Variants in SEM1 observed in about 807,000 individuals in gnomAD.
SEM1 encodes SEM1 26S proteasome subunit.
Under a neutral mutation model 12.7 loss-of-function variants are expected in SEM1, and 3 were observed. The ratio of observed to expected loss-of-function variants is 0.24; its 90% CI spans 0.11 to 0.61. The LOEUF is 0.61. SEM1 is among the 20% of genes least tolerant of loss of function. SEM1 has a pLI of 0.88. For missense variants in SEM1, 59 were observed against 81.3 expected (o/e 0.73, Z 1.06); for synonymous variants, 30 against 27.8 (o/e 1.08, Z -0.25).
At chr7:96,709,606 TG>T in intron 1 of SEM1, 81 bp downstream of exon 1, 1 of 1,360,976 alleles carries the variant, frequency 7.3e-7, no homozygotes, top group Non-Finnish European at 1.0e-6. Flanking sequence ...TGCCCCCAGC[TG>T]GGCCCGAGCA....
intron 1 of SEM1, among the ~76,000 whole-genome samples, chr7:96,495,032 C>A (rs1803185203): frequency 8.3e-6 from 1 of 120,340 alleles, no homozygotes; most frequent in African/African-American, 3.3e-5. Flanking sequence ...TACAAAAACT[C>A]AGAGAGATAA....
intron 1 of SEM1, among the ~76,000 whole-genome samples, chr7:96,489,651 T>C (rs1278993518): frequency 6.6e-6 from 1 of 152,182 alleles, no homozygotes; most frequent in Non-Finnish European, 1.5e-5. Context: ...TCTCTCACAG[T>C]TCTGGAGTCT....
chr7:96,620,708 T>C (rs899774142), downstream of SEM1, among the ~76,000 whole-genome samples: 10 of 152,214 alleles, frequency 6.6e-5, no homozygotes, highest in African/African-American at 2.2e-4. Flanking sequence ...GATGATCTGT[T>C]TGGAGTATCT....
At chr7:96,525,600 G>A (rs4448201) in intron 2 of SEM1, among the ~76,000 whole-genome samples, 3 of 151,864 alleles carry the variant, frequency 2.0e-5, no homozygotes, top group African/African-American at 7.3e-5. Flanking sequence ...TTCATTTGAT[G>A]TTTGGTAGGG....
intron 2 of SEM1, chr7:96,484,867 G>T: frequency 7.8e-7 from 1 of 1,287,004 alleles, no homozygotes; most frequent in Non-Finnish European, 1.0e-6. Context: ...GTAAATATTA[G>T]ATTTCATGAT....
intron 2 of SEM1, among the ~76,000 whole-genome samples, chr7:96,543,489 T>A (rs1349313805): frequency 1.3e-5 from 2 of 151,940 alleles, no homozygotes; most frequent in African/African-American, 2.4e-5. Context: ...TTTAGTCCAA[T>A]GTTTCAAATG....
At chr7:96,673,573 TGCCCAGGCTGGACCTTC>T (rs1163015433) in exon 3 of SEM1, 4 of 602,698 alleles carry the variant, frequency 6.6e-6, no homozygotes, top group Non-Finnish European at 8.9e-6. Flanking sequence ...AATCCTACCT[TGCCCAGGCTGGACCTTC>T]ACCCAGGCTG....
chr7:96,544,124 T>C (rs1262437556), intron 2 of SEM1, among the ~76,000 whole-genome samples: 1 of 152,074 alleles, frequency 6.6e-6, no homozygotes, highest in African/African-American at 2.4e-5. Flanking sequence ...AATGAAAATC[T>C]CTTAATGTTC....
intron 2 of SEM1, among the ~76,000 whole-genome samples, chr7:96,526,477 A>G (rs964292649): frequency 6.6e-6 from 1 of 152,096 alleles, no homozygotes; most frequent in African/African-American, 2.4e-5. Context: ...GGAAGTGCTC[A>G]ATGAAGACCA....
intron 1 of SEM1, among the ~76,000 whole-genome samples, chr7:96,704,014 C>T (rs7794767): frequency 0.34 from 51,282 of 149,010 alleles, 10,163 homozygotes; most frequent in East Asian, 0.67. Context: ...CACACACATA[C>T]ATAAAAGAAC....
chr7:96,658,167 CT>C (rs1278557725), intron 2 of SEM1, among the ~76,000 whole-genome samples: 1 of 152,070 alleles, frequency 6.6e-6, no homozygotes, highest in Non-Finnish European at 1.5e-5. Context: ...ATTCAGTGGC[CT>C]GCAACTCTCC....
intron 2 of SEM1, among the ~76,000 whole-genome samples, chr7:96,564,067 G>A (rs1032013637): frequency 1.3e-5 from 2 of 151,896 alleles, no homozygotes; most frequent in Admixed American, 6.6e-5. Context: ...TTTAAAATCA[G>A]AGAGTTTACC....
chr7:96,496,182 T>C (rs1041862255), intron 1 of SEM1: 1 of 691,186 alleles, frequency 1.4e-6, no homozygotes. Flanking sequence ...ACTCGTTAGA[T>C]AGTTAAAATC....
intron 1 of SEM1, among the ~76,000 whole-genome samples, chr7:96,698,661 G>A (rs747466562): frequency 1.1e-4 from 17 of 151,996 alleles, no homozygotes; most frequent in Non-Finnish European, 2.1e-4. Context: ...TAACCAGTCC[G>A]TCACTGATGG....
At chr7:96,689,651 G>T (rs1213968458) in intron 2 of SEM1, among the ~76,000 whole-genome samples, 1 of 152,128 alleles carries the variant, frequency 6.6e-6, no homozygotes, top group Non-Finnish European at 1.5e-5. Context: ...CACATGACCG[G>T]AATAATGTAT....
intron 2 of SEM1, among the ~76,000 whole-genome samples, chr7:96,588,922 T>A (rs1317086802): frequency 2.0e-5 from 3 of 152,268 alleles, no homozygotes; most frequent in Non-Finnish European, 2.9e-5. Context: ...ACCATTTTTT[T>A]AAATTGGCTT....
chr7:96,559,604 T>C (rs1340868293), intron 2 of SEM1, among the ~76,000 whole-genome samples: 1 of 152,228 alleles, frequency 6.6e-6, no homozygotes, highest in Non-Finnish European at 1.5e-5. Flanking sequence ...GTTTTGTTTT[T>C]CTCTCTAAAT....
intron 2 of SEM1, among the ~76,000 whole-genome samples, chr7:96,576,250 G>A (rs986928919): frequency 1.1e-4 from 16 of 152,076 alleles, no homozygotes; most frequent in African/African-American, 2.4e-5. Context: ...TCTGCTGAAA[G>A]TTGAATTTTT....
chr7:96,571,177 T>G (rs1806016037), intron 2 of SEM1, among the ~76,000 whole-genome samples: 1 of 152,198 alleles, frequency 6.6e-6, no homozygotes, highest in African/African-American at 2.4e-5. Flanking sequence ...TGATGATAGT[T>G]TCTTCTGCTG....
Sources: allele counts gnomAD v4.1 joint callset (sites outside exome capture counted in the v4.1 genomes callset), GRCh38; gene constraint gnomAD v4.1.1; transcripts MANE v1.5; gene names NCBI Gene and HGNC (gene_info 2026-07-23, HGNC 2026-07-21).